The following MMP26 variants were observed in gnomAD, a reference collection of about 807,000 sequenced individuals.
The protein encoded by MMP26 is matrix metalloproteinase-26.
A neutral mutation model predicts 31.0 loss-of-function variants in MMP26; 33 were observed. The observed-to-expected ratio is 1.06, with a 90% CI of 0.81 to 1.42. MMP26 has a LOEUF of 1.42. MMP26 is among the 40% of genes most tolerant of loss of function. The pLI, the probability that MMP26 is intolerant of heterozygous loss-of-function variation, is 0.00. For synonymous variants in MMP26, 122 were observed against 114.9 expected (o/e 1.06, Z -0.40); for missense variants, 347 against 316.1 (o/e 1.10, Z -0.74).
In MMP26 at chr11:4,988,174, T is replaced by A; in HGVS notation, c.-38T>A. On this transcript the variant is annotated 5_prime_UTR_variant, in exon 3 of 8. The change creates a premature stop within an existing upstream ORF in the 5' untranslated region. Coordinates refer to ENST00000380390, the MANE Select transcript of MMP26 (RefSeq NM_021801.5). ...TAAAGATCCAGTGGCCCAAGTTGTG[T>A]ACCTGAATTCAAGCAGTGGGACAAA... 6.3e-7 allele frequency: 1 copy of A among 1,575,940 alleles called. No individual in the cohort carries two copies. Among genetic ancestry groups the A allele is most frequent in the Non-Finnish European group, 8.7e-7 (1 of 1,145,278 alleles).
At chr11:4,984,110 G>A (rs1399720844) in intron 2 of MMP26, among the ~76,000 whole-genome samples, 1 of 152,138 alleles carries the variant, frequency 6.6e-6, no homozygotes, top group Non-Finnish European at 1.5e-5. Context: ...ATTGCATGGG[G>A]CATACTGGGA....
At chr11:4,779,110 C>CTCATT (rs1467014252) in intron 2 of MMP26, among the ~76,000 whole-genome samples, 2 of 151,516 alleles carry the variant, frequency 1.3e-5, no homozygotes, top group Non-Finnish European at 3.0e-5. Flanking sequence ...CTTTTCTTGC[C>CTCATT]TCATTTCAAT....
At chr11:4,839,369 G>A (rs1451209751) in intron 2 of MMP26, among the ~76,000 whole-genome samples, 3 of 151,776 alleles carry the variant, frequency 2.0e-5, no homozygotes, top group Admixed American at 2.0e-4. Context: ...TGCTAAGGGA[G>A]TGCTGGTATC....
chr11:4,860,188 A>G (rs1430479493), intron 2 of MMP26: 4 of 471,018 alleles, frequency 8.5e-6, no homozygotes, highest in Admixed American at 2.3e-5. Context: ...TCGGATGGCC[A>G]CAAATCTGTC....
chr11:4,800,888 G>A (rs941861284), intron 2 of MMP26, among the ~76,000 whole-genome samples: 1 of 152,118 alleles, frequency 6.6e-6, no homozygotes, highest in African/African-American at 2.4e-5. Context: ...TAGGTCCCTA[G>A]GACATGGACA....
chr11:4,944,087 C>G (rs762189911), intron 2 of MMP26: 2 of 453,330 alleles, frequency 4.4e-6, no homozygotes, highest in Non-Finnish European at 8.9e-6. Flanking sequence ...ACTACAACCC[C>G]AAACCCATAT....
At chr11:4,972,295 A>G (rs890056831) in intron 2 of MMP26, among the ~76,000 whole-genome samples, 8 of 152,204 alleles carry the variant, frequency 5.3e-5, no homozygotes, top group African/African-American at 1.9e-4. Context: ...ACCTGGGTAG[A>G]GGAGATAGTC....
intron 2 of MMP26, among the ~76,000 whole-genome samples, chr11:4,881,030 G>A (rs189618171): frequency 1.2e-4 from 18 of 152,184 alleles, no homozygotes; most frequent in African/African-American, 3.6e-4. Flanking sequence ...CTTCTTCCTG[G>A]CCAGTCAGAT....
At chr11:4,967,541 T>C (rs1426009843) in intron 2 of MMP26, among the ~76,000 whole-genome samples, 4 of 152,194 alleles carry the variant, frequency 2.6e-5, no homozygotes, top group Admixed American at 6.5e-5. Flanking sequence ...ATTCTGAGGT[T>C]CCTGTACCTA....
chr11:4,954,529 T>C (rs28600214), intron 2 of MMP26, among the ~76,000 whole-genome samples: 25,411 of 123,794 alleles, frequency 0.21, 7,980 homozygotes, highest in Non-Finnish European at 0.25. Context: ...TAATTTGTTG[T>C]TTGTATCAGA....
intron 2 of MMP26, among the ~76,000 whole-genome samples, chr11:4,866,586 TA>T (rs1181727901): frequency 6.6e-6 from 1 of 152,112 alleles, no homozygotes; most frequent in African/African-American, 2.4e-5. Flanking sequence ...AAAACTATTT[TA>T]AAATTCATAT....
At chr11:4,738,962 G>A in intron 1 of MMP26, among the ~76,000 whole-genome samples, 1 of 152,230 alleles carries the variant, frequency 6.6e-6, no homozygotes, top group Non-Finnish European at 1.5e-5. Flanking sequence ...CCTTGCTAGA[G>A]TTTTTTCTAG....
intron 2 of MMP26, among the ~76,000 whole-genome samples, chr11:4,814,487 A>G (rs979170057): frequency 6.6e-6 from 1 of 152,226 alleles, no homozygotes; most frequent in Non-Finnish European, 1.5e-5. Context: ...CATAAAGAGT[A>G]GATAAAGAGC....
intron 2 of MMP26, among the ~76,000 whole-genome samples, chr11:4,809,559 T>G (rs1473404594): frequency 6.6e-6 from 1 of 152,216 alleles, no homozygotes; most frequent in Non-Finnish European, 1.5e-5. Context: ...TGAGAGATTT[T>G]GCTAAGGAAT....
chr11:4,968,133 C>A (rs1846620415), intron 2 of MMP26, among the ~76,000 whole-genome samples: 1 of 151,968 alleles, frequency 6.6e-6, no homozygotes, highest in African/African-American at 2.4e-5. Context: ...TTCTGTGACA[C>A]CCAACAAAAA....
intron 2 of MMP26, among the ~76,000 whole-genome samples, chr11:4,867,387 C>CTTTTTTTTTTTTTTTTTTTTTTTTTTTTT (rs3065176): frequency 1.0e-5 from 1 of 98,296 alleles, no homozygotes; most frequent in Non-Finnish European, 2.0e-5. Flanking sequence ...AGATGCTGTC[C>CTTTTTTTTTTTTTTTTTTTTTTTTTTTTT]TTTTTTTTTT....
rs576898511 is a variant in MMP26 at position 4,793,780 on chromosome 11, T to A, written c.-145+26439T>A. 2.6e-5 allele frequency: 4 copies of A among 152,306 alleles called. No individual in the cohort carries two copies. The East Asian group carries it at 7.7e-4, about 29-fold the overall frequency. The allele number at this position is 152,306 out of a possible 1,614,324, so 9.4% of individuals were successfully genotyped here. On this transcript the variant is annotated intron_variant, in intron 2 of 7. Coordinates refer to ENST00000380390, the MANE Select transcript of MMP26 (RefSeq NM_021801.5). The stretch of plus-strand genomic sequence containing the variant: ...TTGGTGATTCTATGGCAGGAAATTT[T>A]CCCACAAAATCTCTGTACCATGTTT...
At chr11:4,840,431 A>C (rs564719644) in intron 2 of MMP26, among the ~76,000 whole-genome samples, 58 of 152,356 alleles carry the variant, frequency 3.8e-4, no homozygotes, top group Non-Finnish European at 6.6e-4. Flanking sequence ...TGGTGGCCAC[A>C]GGGGTGCTTG....
intron 2 of MMP26, among the ~76,000 whole-genome samples, chr11:4,853,794 A>T (rs1850010197): frequency 6.6e-6 from 1 of 152,174 alleles, no homozygotes; most frequent in African/African-American, 2.4e-5. Flanking sequence ...TCAATCCAGA[A>T]GTAGAGTGTA....
Sources: gnomAD v4.1 joint callset for allele counts (sites outside exome capture counted in the v4.1 genomes callset) on GRCh38, gnomAD v4.1.1 for gene constraint, MANE v1.5 for transcripts, NCBI Gene and HGNC (gene_info 2026-07-23, HGNC 2026-07-21) for gene names.